DIAPH2: variants seen among roughly 807,000 people sequenced by gnomAD.
DIAPH2 encodes diaphanous related formin 2, also known as protein diaphanous homolog 2.
DIAPH2 carries 35 observed loss-of-function variants against 92.7 expected under a neutral mutation model. The observed-to-expected ratio is 0.38, with a 90% confidence interval of 0.29 to 0.50. The LOEUF (loss-of-function observed/expected upper bound fraction) is 0.50. Ranked by LOEUF, DIAPH2 falls within the 20% of genes least tolerant of loss-of-function variation. The pLI is 0.94. For missense variants in DIAPH2, 701 were observed against 819.5 expected (o/e 0.86, Z 1.77); for synonymous variants, 301 against 280.4 (o/e 1.07, Z -0.73).
intron 4 of DIAPH2, among the ~76,000 whole-genome samples, chrX:96,773,242 C>A (rs997526478): frequency 3.5e-5 from 3 of 86,162 alleles, no homozygotes; most frequent in Non-Finnish European, 6.9e-5. Context: ...TTGTTTCCCC[C>A]CCCCTCCCGC....
At chrX:96,748,610 TAAAG>T (rs1363483818) in intron 3 of DIAPH2, among the ~76,000 whole-genome samples, 1 of 111,760 alleles carries the variant, frequency 8.9e-6, no homozygotes, top group Non-Finnish European at 1.9e-5. Flanking sequence ...GTGAACAACT[TAAAG>T]AAAATCCCTG....
chrX:97,139,322 A>ATT (rs774436175), intron 21 of DIAPH2, among the ~76,000 whole-genome samples: 3 of 107,601 alleles, frequency 2.8e-5, no homozygotes, highest in African/African-American at 1.0e-4. Context: ...ATATTTTAAT[A>ATT]TTATATATAT....
At chrX:96,871,705 T>C (rs2065144509) in intron 4 of DIAPH2, among the ~76,000 whole-genome samples, 2 of 111,577 alleles carry the variant, frequency 1.8e-5, no homozygotes, top group African/African-American at 6.5e-5. Flanking sequence ...ACCAATCATA[T>C]TAAAATGTAC....
At position 97,178,919 on chromosome X, in the gene DIAPH2, A is replaced by G. The variant is rs2067516940; in HGVS notation, c.2719+37125A>G. On this transcript the variant is annotated intron_variant, in intron 22 of 26. Transcript: ENST00000324765. ...ACAGATTTCATTCCTTCCCTAGCATACAACAATAAGCCACCATTTCTTGGA... is the reference window on the plus strand; with the variant it reads ...ACAGATTTCATTCCTTCCCTAGCATGCAACAATAAGCCACCATTTCTTGGA... Among the ~76,000 whole-genome samples, 3 of 111,206 alleles carry G rather than the reference A, an allele frequency of 2.7e-5. No homozygotes were observed. In the Admixed American group the frequency reaches 2.9e-4, roughly 11 times the overall value.
At chrX:97,462,860 G>T (rs1189622031) in intron 26 of DIAPH2, among the ~76,000 whole-genome samples, 1 of 110,380 alleles carries the variant, frequency 9.1e-6, no homozygotes, top group Non-Finnish European at 1.9e-5. Context: ...AAAAAAAAAA[G>T]TTTGAAATGA....
At chrX:97,322,698 A>G (rs1205642687) in intron 23 of DIAPH2, among the ~76,000 whole-genome samples, 6 of 109,368 alleles carry the variant, frequency 5.5e-5, no homozygotes, top group African/African-American at 1.3e-4. Context: ...AAAAACAAAC[A>G]AAAAAAAACC....
At chrX:96,805,155 A>C (rs2064613642) in intron 4 of DIAPH2, among the ~76,000 whole-genome samples, 1 of 110,242 alleles carries the variant, frequency 9.1e-6, no homozygotes, top group Admixed American at 9.8e-5. Flanking sequence ...AGGACAGATT[A>C]AAAAAATGTA....
chrX:97,295,856 T>C (rs924203895), intron 23 of DIAPH2, among the ~76,000 whole-genome samples: 2 of 108,973 alleles, frequency 1.8e-5, no homozygotes, highest in Non-Finnish European at 3.8e-5. Context: ...CTCAGCCTCC[T>C]GAGTAGCTGG....
intron 25 of DIAPH2, among the ~76,000 whole-genome samples, chrX:97,393,391 G>A (rs1269926684): frequency 1.8e-5 from 2 of 111,974 alleles, no homozygotes; most frequent in Non-Finnish European, 3.8e-5. Flanking sequence ...TAGGCTATTT[G>A]ATCCATCCAA....
chrX:97,378,275 C>T (rs1236859836), intron 24 of DIAPH2, among the ~76,000 whole-genome samples: 3 of 109,384 alleles, frequency 2.7e-5, no homozygotes, highest in Non-Finnish European at 5.7e-5. Flanking sequence ...CCCAGCTACT[C>T]GAGAGGCTGA....
chrX:96,894,976 T>A (rs2065333998), intron 5 of DIAPH2, among the ~76,000 whole-genome samples: 1 of 28,359 alleles, frequency 3.5e-5, no homozygotes, highest in Non-Finnish European at 1.0e-4. Context: ...TTTTCTTAAT[T>A]TTTTTTTTTT....
chrX:96,760,221 C>T (rs1233428136), intron 4 of DIAPH2, among the ~76,000 whole-genome samples: 1 of 111,546 alleles, frequency 9.0e-6, no homozygotes, highest in African/African-American at 3.2e-5. Context: ...CTTGGAAAGA[C>T]GTTAATTAGT....
chrX:97,382,631 T>C (rs972743812), intron 24 of DIAPH2, among the ~76,000 whole-genome samples: 14 of 111,715 alleles, frequency 1.3e-4, no homozygotes, highest in African/African-American at 4.6e-4. Flanking sequence ...TCATCTACAA[T>C]AGCCAGGTAC....
intron 17 of DIAPH2, among the ~76,000 whole-genome samples, chrX:97,070,053 C>A (rs2066658910): frequency 9.0e-6 from 1 of 111,241 alleles, no homozygotes; most frequent in East Asian, 2.8e-4. Context: ...GTTAACATAT[C>A]TTTAATAATA....
chrX:97,518,526 A>G (rs989148528), intron 26 of DIAPH2, among the ~76,000 whole-genome samples: 16 of 109,638 alleles, frequency 1.5e-4, no homozygotes, highest in Non-Finnish European at 1.9e-4. Flanking sequence ...ATATATATAT[A>G]TGTGTGTGTA....
intron 23 of DIAPH2, among the ~76,000 whole-genome samples, chrX:97,329,934 ACACC>A (rs1294058110): frequency 6.8e-5 from 5 of 73,375 alleles, no homozygotes; most frequent in African/African-American, 1.9e-4. Flanking sequence ...ACACACACAC[ACACC>A]CCACATGCTT....
chrX:97,245,561 C>T (rs140891679), intron 22 of DIAPH2, among the ~76,000 whole-genome samples: 1,184 of 110,894 alleles, frequency 0.011, 14 homozygotes, highest in African/African-American at 0.037. Context: ...GTGTGAGCCA[C>T]CACACCCAGC....
intron 26 of DIAPH2, among the ~76,000 whole-genome samples, chrX:97,433,265 CT>C (rs1186860563): frequency 9.0e-6 from 1 of 110,799 alleles, no homozygotes; most frequent in Non-Finnish European, 1.9e-5. Flanking sequence ...AATCCCAGCA[CT>C]TTGGGAGGCT....
At chrX:97,528,392 G>A (rs907102092) in intron 26 of DIAPH2, 3 of 112,152 alleles carry the variant, frequency 2.7e-5, no homozygotes, top group African/African-American at 9.7e-5. Context: ...GATTTATTTG[G>A]TTTACGGTTC....
Sources: gnomAD v4.1 joint callset for allele counts (sites outside exome capture counted in the v4.1 genomes callset) on GRCh38, gnomAD v4.1.1 for gene constraint, MANE v1.5 for transcripts, NCBI Gene and HGNC (gene_info 2026-07-23, HGNC 2026-07-21) for gene names.